Variants in LRRC4C observed in about 807,000 individuals in gnomAD.
The protein encoded by LRRC4C is leucine-rich repeat-containing protein 4C.
Under a neutral mutation model 33.6 loss-of-function variants are expected in LRRC4C, and 5 were observed. That is an observed-to-expected ratio of 0.15 (90% CI 0.08 to 0.31). The LOEUF is 0.31. LRRC4C is among the 10% of genes least tolerant of loss of function. The pLI, the probability that LRRC4C is intolerant of heterozygous loss-of-function variation, is 1.00. For missense variants in LRRC4C, 560 were observed against 796.7 expected (o/e 0.70, Z 3.58); for synonymous variants, 329 against 302.0 (o/e 1.09, Z -0.93).
At chr11:40,399,441 C>T (rs1949673271) in intron 3 of LRRC4C, among the ~76,000 whole-genome samples, 1 of 151,720 alleles carries the variant, frequency 6.6e-6, no homozygotes, top group African/African-American at 2.4e-5. Flanking sequence ...GGACAAAAAA[C>T]CAAACACCGC....
chr11:40,857,846 T>A (rs1213794424), intron 2 of LRRC4C, among the ~76,000 whole-genome samples: 1 of 151,338 alleles, frequency 6.6e-6, no homozygotes, highest in Non-Finnish European at 1.5e-5. Flanking sequence ...GCCCAGGAGG[T>A]CGAGGCTGCA....
chr11:40,441,683 T>C (rs79679471), intron 3 of LRRC4C, among the ~76,000 whole-genome samples: 2 of 152,236 alleles, frequency 1.3e-5, no homozygotes, highest in Non-Finnish European at 2.9e-5. Context: ...CTTTCAATTA[T>C]CTGAGTTTTT....
At chr11:41,386,616 A>T (rs780230907) in intron 1 of LRRC4C, among the ~76,000 whole-genome samples, 1 of 151,770 alleles carries the variant, frequency 6.6e-6, no homozygotes, top group Non-Finnish European at 1.5e-5. Flanking sequence ...AATCAAGTGT[A>T]CATTCATTGT....
intron 3 of LRRC4C, among the ~76,000 whole-genome samples, chr11:40,322,720 T>G (rs1945913835): frequency 6.6e-6 from 1 of 152,284 alleles, no homozygotes; most frequent in South Asian, 2.1e-4. Context: ...CTATCCTAAT[T>G]TGTGAAACAG....
intron 1 of LRRC4C, among the ~76,000 whole-genome samples, chr11:41,301,622 C>A (rs1950291313): frequency 6.6e-6 from 1 of 152,086 alleles, no homozygotes; most frequent in African/African-American, 2.4e-5. Context: ...TCTCTGGAAC[C>A]ATAGACTAGT....
At chr11:41,394,951 T>C (rs1210778300) in intron 1 of LRRC4C, 1 of 151,986 alleles carries the variant, frequency 6.6e-6, no homozygotes, top group East Asian at 1.9e-4. Context: ...TTTTATACTC[T>C]AACTGACCTC....
At chr11:40,916,386 T>C (rs1354084542) in intron 2 of LRRC4C, among the ~76,000 whole-genome samples, 2 of 152,196 alleles carry the variant, frequency 1.3e-5, no homozygotes, top group Non-Finnish European at 2.9e-5. Flanking sequence ...GATGAGTTCA[T>C]GTCCTTTGTA....
intron 3 of LRRC4C, among the ~76,000 whole-genome samples, chr11:40,604,538 G>C (rs1038554147): frequency 2.2e-4 from 34 of 152,054 alleles, no homozygotes; most frequent in African/African-American, 8.2e-4. Flanking sequence ...AGGGTAGGTA[G>C]TTTGTAATAA....
chr11:40,896,828 C>G (rs1365254805), intron 2 of LRRC4C, among the ~76,000 whole-genome samples: 1 of 152,094 alleles, frequency 6.6e-6, no homozygotes, highest in Non-Finnish European at 1.5e-5. Context: ...AGGTGCTGTG[C>G]TTGGCACTGT....
In LRRC4C at chr11:40,907,980, C is replaced by A. The variant is rs188791943; in HGVS notation, c.-407+25655G>T. Among the ~76,000 whole-genome samples, 3 of 152,198 alleles carry A rather than the reference C, an allele frequency of 2.0e-5. No individual in the cohort carries two copies. The East Asian group carries it at 5.8e-4, about 29-fold the overall frequency. On this transcript the variant is annotated intron_variant, in intron 2 of 6. Coordinates refer to ENST00000528697, the MANE Select transcript of LRRC4C (RefSeq NM_001258419.2). ...TGAGTAGATAAAGGTGAAATTATAT[C>A]CACTGAAATATGAAACATAGGTATT...
chr11:40,922,641 C>T (rs1347626553), intron 2 of LRRC4C, among the ~76,000 whole-genome samples: 1 of 152,112 alleles, frequency 6.6e-6, no homozygotes, highest in Non-Finnish European at 1.5e-5. Context: ...ATTTAAAATA[C>T]CTGTAGTCTG....
At chr11:40,311,557 GA>G (rs1945306072) in intron 4 of LRRC4C, among the ~76,000 whole-genome samples, 2 of 152,150 alleles carry the variant, frequency 1.3e-5, no homozygotes, top group African/African-American at 4.8e-5. Flanking sequence ...ATTCTCAGCT[GA>G]AATATGCTGT....
Position 40,735,845 on chromosome 11 carries a change from G to A in LRRC4C, c.-406-87567C>T, listed in dbSNP as rs368594894. On this transcript the variant is annotated intron_variant, in intron 2 of 6. Coordinates refer to ENST00000528697, the MANE Select transcript of LRRC4C (RefSeq NM_001258419.2). ...GTTGTTTCCTGACTTTTTAATGATC[G>A]CCATTCTAACTGGTGTGAGATGGTA... Among the ~76,000 whole-genome samples, 27 of 150,378 alleles carry A rather than the reference G, an allele frequency of 1.8e-4. No individual in the cohort carries two copies. In the East Asian group the frequency reaches 4.1e-3, roughly 23 times the overall value.
chr11:40,116,699 G>C (rs1413060599), intron 6 of LRRC4C, among the ~76,000 whole-genome samples: 4 of 152,156 alleles, frequency 2.6e-5, no homozygotes, highest in Non-Finnish European at 5.9e-5. Context: ...ATAGGACTTT[G>C]GGGCTATATC....
chr11:41,069,514 A>C (rs779248012), intron 1 of LRRC4C, among the ~76,000 whole-genome samples: 39 of 152,216 alleles, frequency 2.6e-4, no homozygotes, highest in Non-Finnish European at 4.6e-4. Context: ...TTTATTTAGA[A>C]AACCACATCA....
intron 5 of LRRC4C, among the ~76,000 whole-genome samples, chr11:40,168,103 A>G (rs1043096752): frequency 6.6e-6 from 1 of 152,110 alleles, no homozygotes; most frequent in African/African-American, 2.4e-5. Context: ...CACTGCTAGT[A>G]GGAAAGGAGA....
Position 41,304,396 on chromosome 11 carries a change from TG to T in LRRC4C, c.-496+155034del, listed in dbSNP as rs1364101397. Among the ~76,000 whole-genome samples the T allele has an allele frequency of 3.6e-3, 209 of 58,556 alleles. 4 individuals are homozygous for T. Among genetic ancestry groups the T allele is most frequent in the African/African-American group, 0.015 (195 of 13,328 alleles). The allele number at this position is 58,556 out of a possible 152,430, so 38.4% of individuals were successfully genotyped here. ...CCAGCCGCCCTGTCCGGGAGGGAGGTGGGGGGGTCAGCCCTCCGCCCGGCCA... is the reference window on the plus strand; with the variant it reads ...CCAGCCGCCCTGTCCGGGAGGGAGGTGGGGGGTCAGCCCTCCGCCCGGCCA... On this transcript the variant is annotated intron_variant, in intron 1 of 6. Coordinates refer to ENST00000528697, the MANE Select transcript of LRRC4C (RefSeq NM_001258419.2).
intron 1 of LRRC4C, among the ~76,000 whole-genome samples, chr11:40,964,725 A>G (rs1177425806): frequency 6.6e-6 from 1 of 151,890 alleles, no homozygotes; most frequent in Non-Finnish European, 1.5e-5. Flanking sequence ...GCTGCATAGT[A>G]TTCCATGGTG....
intron 3 of LRRC4C, among the ~76,000 whole-genome samples, chr11:40,644,384 T>C (rs925739910): frequency 1.1e-4 from 17 of 152,210 alleles, no homozygotes; most frequent in African/African-American, 4.1e-4. Flanking sequence ...AAACTAATTA[T>C]GCAACTACCA....
Sources: gnomAD v4.1 joint callset for allele counts (sites outside exome capture counted in the v4.1 genomes callset) on GRCh38, gnomAD v4.1.1 for gene constraint, MANE v1.5 for transcripts, NCBI Gene and HGNC (gene_info 2026-07-23, HGNC 2026-07-21) for gene names.